Variants in QRICH1 observed in about 807,000 individuals in gnomAD.
QRICH1 encodes glutamine rich 1, also known as transcriptional regulator QRICH1.
In QRICH1, 16 loss-of-function variants were observed where a neutral mutation model predicts 87.1. The observed-to-expected ratio is 0.18, with a 90% CI of 0.12 to 0.28. The LOEUF (loss-of-function observed/expected upper bound fraction) is 0.28. Among genes scored for constraint, QRICH1 ranks in the 10% least tolerant of loss-of-function variants. The pLI is 1.00. For synonymous variants in QRICH1, 367 were observed against 368.4 expected (o/e 1.00, Z 0.05); for missense variants, 647 against 951.7 (o/e 0.68, Z 4.21).
chr3:49,072,323 A>C (rs1214205021), intron 2 of QRICH1, among the ~76,000 whole-genome samples: 29 of 152,010 alleles, frequency 1.9e-4, no homozygotes, highest in Non-Finnish European at 2.9e-5. Context: ...AAATGAGTAA[A>C]TCTCAGCCTG....
chr3:49,042,943 T>C (rs1468270811), intron 6 of QRICH1, among the ~76,000 whole-genome samples: 1 of 152,142 alleles, frequency 6.6e-6, no homozygotes, highest in African/African-American at 2.4e-5. Context: ...TCATCATACA[T>C]TCATCAAAAC....
intron 6 of QRICH1, among the ~76,000 whole-genome samples, chr3:49,035,162 A>G (rs994211669): frequency 2.6e-5 from 4 of 152,102 alleles, no homozygotes; most frequent in Admixed American, 2.6e-4. Context: ...CTCAGCAAAG[A>G]AGGATTCAAG....
At chr3:49,090,552 C>T (rs1444186958) in intron 1 of QRICH1, among the ~76,000 whole-genome samples, 4 of 149,372 alleles carry the variant, frequency 2.7e-5, no homozygotes, top group Admixed American at 1.4e-4. Flanking sequence ...TGCTTGAACC[C>T]GGAAGGTGGA....
At position 49,057,237 on chromosome 3, in the gene QRICH1, G is replaced by T; in HGVS notation, c.963C>A (p.Asp321Glu). ...IPVYSAQPRG[D>E]PQQQSITHIA... ...TGTGGGTAATGCTCTGCTGCTGAGG[G>T]TCCCCCCGGGGCTGGGCAGAATAAA... is the stretch of plus-strand genomic sequence containing the variant. Residue 321 changes from aspartate (D) to glutamate (E), a missense_variant, in exon 3 of 10, where the codon GAC becomes GAA. Around this residue, in one of 7 missense-constraint regions of QRICH1, gnomAD observed 75 missense variants for 141.0 expected, o/e 0.53. Coordinates refer to ENST00000395443, the MANE Select transcript of QRICH1 (RefSeq NM_198880.3). This position sits in a 1 kb window ranked among gnomAD's most constrained non-coding sequence, Gnocchi z 5.4. 1 of 1,614,184 alleles carries T rather than the reference G, an allele frequency of 6.2e-7. No individual in the cohort carries two copies. Among genetic ancestry groups the T allele is most frequent in the Non-Finnish European group, 8.5e-7 (1 of 1,180,030 alleles).
intron 3 of QRICH1, among the ~76,000 whole-genome samples, chr3:49,052,484 G>A (rs2093376586): frequency 6.6e-6 from 1 of 152,054 alleles, no homozygotes; most frequent in Non-Finnish European, 1.5e-5. Flanking sequence ...GCCCATGCAG[G>A]GTTGAATCTC....
intron 6 of QRICH1, among the ~76,000 whole-genome samples, chr3:49,043,545 G>T (rs574928604): frequency 1.5e-5 from 2 of 134,580 alleles, no homozygotes; most frequent in African/African-American, 5.6e-5. Context: ...ACAAAAATAG[G>T]CCAGGCACGG....
At chr3:49,046,944 A>G in intron 4 of QRICH1, 125 bp downstream of exon 4, 1 of 1,107,886 alleles carries the variant, frequency 9.0e-7, no homozygotes, top group Non-Finnish European at 1.3e-6. Flanking sequence ...AATTCAACAT[A>G]CTATTACAGA....
At chr3:49,059,916 G>A (rs1222705127) in intron 2 of QRICH1, among the ~76,000 whole-genome samples, 3 of 143,776 alleles carry the variant, frequency 2.1e-5, no homozygotes, top group Admixed American at 1.4e-4. Context: ...ACGGAGTCTC[G>A]CTCTATCGCC....
intron 3 of QRICH1, among the ~76,000 whole-genome samples, chr3:49,053,226 C>T (rs976326985): frequency 7.2e-5 from 11 of 152,036 alleles, no homozygotes; most frequent in Admixed American, 4.6e-4. Context: ...CGGTGGCTCA[C>T]GCCTGTAATC....
chr3:49,071,264 CTG>C (rs1420321518), intron 2 of QRICH1, among the ~76,000 whole-genome samples: 2 of 152,084 alleles, frequency 1.3e-5, no homozygotes, highest in East Asian at 3.9e-4. Context: ...CGGAGTTTCA[CTG>C]TGTTAGCCAG....
At chr3:49,080,739 C>T (rs1197861104) in intron 1 of QRICH1, among the ~76,000 whole-genome samples, 2 of 151,832 alleles carry the variant, frequency 1.3e-5, no homozygotes, top group Non-Finnish European at 2.9e-5. Context: ...TTCCTAGAAA[C>T]AAGCTTTCTT....
intron 1 of QRICH1, among the ~76,000 whole-genome samples, chr3:49,087,323 C>A (rs992775229): frequency 6.6e-6 from 1 of 151,836 alleles, no homozygotes; most frequent in African/African-American, 2.4e-5. Context: ...GTTTGGGAGG[C>A]TGAGGCAGGC....
chr3:49,042,575 GGTTT>G (rs1434690903), intron 6 of QRICH1, among the ~76,000 whole-genome samples: 3 of 151,928 alleles, frequency 2.0e-5, no homozygotes, highest in Non-Finnish European at 4.4e-5. Context: ...CAGGTGAAAA[GGTTT>G]GTTTTTTTTT....
At chr3:49,062,465 A>G (rs1424059674) in intron 2 of QRICH1, among the ~76,000 whole-genome samples, 2 of 150,996 alleles carry the variant, frequency 1.3e-5, no homozygotes, top group African/African-American at 4.9e-5. Context: ...GGTTCAAACA[A>G]TTCTCCTGCC....
chr3:49,080,810 T>C (rs1259053219), intron 1 of QRICH1, among the ~76,000 whole-genome samples: 2 of 150,452 alleles, frequency 1.3e-5, no homozygotes, highest in Admixed American at 6.6e-5. Context: ...TCTTGGGGGG[T>C]TGGGGACAGG....
At chr3:49,032,093 T>G (rs2093244098) in intron 9 of QRICH1, 90 bp downstream of exon 9, 2 of 1,069,908 alleles carry the variant, frequency 1.9e-6, no homozygotes. Context: ...AGAATGCCTC[T>G]CCCCTATGAT....
intron 2 of QRICH1, among the ~76,000 whole-genome samples, chr3:49,059,501 C>T (rs1033035330): frequency 6.8e-6 from 1 of 147,856 alleles, no homozygotes; most frequent in African/African-American, 2.5e-5. Flanking sequence ...CTCACTGCAA[C>T]CTCCGCCTCC....
At chr3:49,076,655 C>T (rs1451234294) in intron 2 of QRICH1, 54 bp downstream of exon 2, 8 of 1,407,586 alleles carry the variant, frequency 5.7e-6, no homozygotes, top group African/African-American at 2.9e-5. Flanking sequence ...AACTAAAACA[C>T]TGACAACAAA....
intron 6 of QRICH1, among the ~76,000 whole-genome samples, chr3:49,041,788 G>A (rs973540373): frequency 3.3e-5 from 5 of 150,872 alleles, no homozygotes; most frequent in Non-Finnish European, 5.9e-5. Context: ...ATGCCACCAC[G>A]TCCAGCTAAT....
Sources: gnomAD v4.1 joint callset for allele counts (sites outside exome capture counted in the v4.1 genomes callset) on GRCh38, gnomAD v4.1.1 for gene constraint, gnomAD v4.1.1 regional missense constraint, Gnocchi (gnomAD v3.1) non-coding constraint, MANE v1.5 for transcripts, NCBI Gene and HGNC (gene_info 2026-07-23, HGNC 2026-07-21) for gene names.